Variants in CS observed in about 807,000 individuals in gnomAD.
The protein encoded by CS is citrate synthase, mitochondrial.
In CS, 13 loss-of-function variants were observed where a neutral mutation model predicts 61.4. That is an observed-to-expected ratio of 0.21 (90% CI 0.14 to 0.34). The LOEUF is 0.34. Ranked by LOEUF, CS falls within the 10% of genes least tolerant of loss-of-function variation. CS has a pLI of 1.00. For missense variants in CS, 278 were observed against 573.4 expected, an observed-to-expected ratio of 0.48 and a Z score of 5.26; for synonymous variants, 159 against 215.2, an observed-to-expected ratio of 0.74 and a Z score of 2.29.
At position 56,283,889 on chromosome 12, in the gene CS, AAG is replaced by A. The variant is rs1491172995; in HGVS notation, c.202-34_202-33del. The A allele has an allele frequency of 7.8e-6, 12 of 1,540,076 alleles. No individual in the cohort carries two copies. The African/African-American group carries it at 1.1e-4, about 14-fold the overall frequency. On this transcript the variant is annotated intron_variant, in intron 3 of 10. Transcript: ENST00000351328. ...AGGATGAAGAAAGAAGGAAAAAAAA[AAG>A]AGGCTGTGGCCAGTAATCAGAATGA...
chr12:56,274,688 A>G, intron 9 of CS, 89 bp downstream of exon 9: 1 of 1,004,476 alleles, frequency 1.0e-6, no homozygotes, highest in East Asian at 2.6e-5. Context: ...TCTCTAATTT[A>G]GGGACCTCTT....
At chr12:56,286,305 C>A in intron 2 of CS, 1 of 527,814 alleles carries the variant, frequency 1.9e-6, no homozygotes, top group African/African-American at 1.9e-5. Flanking sequence ...AAACCATATA[C>A]TTAAAAATGA....
chr12:56,286,012 G>T lies in CS; in HGVS notation c.105C>A (p.Asp35Glu). The change falls in exon 3 of 11, where the codon GAC becomes GAA. Residue 35 changes from aspartate (D) to glutamate (E), a missense_variant. Transcript: ENST00000351328. ...HASASSTNLKDILADLIPKEQ... is the reference protein window; with the variant it reads ...HASASSTNLKEILADLIPKEQ... ...CCTTAGGTATCAGGTCAGCCAATAT[G>T]TCTTTCAAATTCTAAAAAGAAAAGT... 6.2e-7 allele frequency: 1 copy of T among 1,613,446 alleles called. No homozygotes were observed. The highest frequency in any genetic ancestry group is 8.5e-7 in the Non-Finnish European group (1 of 1,179,416).
In CS at chr12:56,287,509, A is replaced by AAG. The variant is rs1565622362; in HGVS notation, c.43-866_43-865dup. Among the ~76,000 whole-genome samples the AAG allele has an allele frequency of 3.8e-4, 56 of 145,486 alleles. 2 individuals are homozygous for AAG. The highest frequency in any genetic ancestry group is 1.0e-3 in the African/African-American group (40 of 38,614). ...AAAAAAAAAAAAAAAAAAAAAAAAA[A>AAG]AGAGAGAGAGAGAAAATAGTTTAGC... On this transcript the variant is annotated intron_variant, in intron 1 of 10. Coordinates refer to ENST00000351328, the MANE Select transcript of CS (RefSeq NM_004077.3).
At chr12:56,298,475 G>C (rs932071356) in intron 1 of CS, 4 of 236,170 alleles carry the variant, frequency 1.7e-5, no homozygotes, top group African/African-American at 9.3e-5. Context: ...TAAATCCCAA[G>C]GCTTTTTCAC....
At chr12:56,288,279 T>G (rs946206055) in intron 1 of CS, among the ~76,000 whole-genome samples, 2 of 151,996 alleles carry the variant, frequency 1.3e-5, no homozygotes, top group African/African-American at 4.8e-5. Flanking sequence ...ACTACTGCAC[T>G]GCTCTCTGTG....
rs888544496 is a variant in CS at position 56,300,133 on chromosome 12, G to C, written c.42+27C>G. The C allele has an allele frequency of 4.5e-6, 7 of 1,553,382 alleles. No homozygotes were observed. In the Admixed American group the frequency reaches 5.8e-5, roughly 13 times the overall value. On this transcript the variant is annotated intron_variant, in intron 1 of 10. Coordinates refer to ENST00000351328, the MANE Select transcript of CS (RefSeq NM_004077.3). ...GGTCGCCTCAGCCCCACCCTGGGAC[G>C]GCGTGCTCCCTCCCCTCGCTGCTCA...
In CS at chr12:56,273,167, G is replaced by A. The variant is rs1341190437; in HGVS notation, c.1318C>T (p.Arg440Ter). 1 of 1,613,390 alleles carries A rather than the reference G, an allele frequency of 6.2e-7. No homozygotes were observed. The highest frequency in any genetic ancestry group is 8.5e-7 in the Non-Finnish European group (1 of 1,179,344). Reference protein sequence around the residue: ...LGVLAQLIWSRALGFPLERPK... With the variant: ...LGVLAQLIWS Reference sequence around the variant, plus strand: ...CTTTCTAGAGGGAAGCCTAAGGCTCGGCTCCAGATGAGCTGTGCCAGTACA... The same window carrying A: ...CTTTCTAGAGGGAAGCCTAAGGCTCAGCTCCAGATGAGCTGTGCCAGTACA... The change falls in exon 11 of 11, where the codon CGA becomes TGA. Residue 440 changes from arginine to a stop codon, truncating the protein, a stop_gained. Transcript: ENST00000351328. LOFTEE classifies it high-confidence loss of function.
chr12:56,297,976 A>C (rs1796817129), intron 1 of CS, among the ~76,000 whole-genome samples: 1 of 151,746 alleles, frequency 6.6e-6, no homozygotes, highest in African/African-American at 2.4e-5. Context: ...TAAACTCATT[A>C]TTGGGCTTTG....
chr12:56,296,941 T>C (rs1382769871), intron 1 of CS, among the ~76,000 whole-genome samples: 1 of 152,184 alleles, frequency 6.6e-6, no homozygotes, highest in Non-Finnish European at 1.5e-5. Flanking sequence ...CTAAATATTT[T>C]GCAGGACAAA....
chr12:56,296,356 G>A (rs1873305451), intron 1 of CS, among the ~76,000 whole-genome samples: 1 of 151,966 alleles, frequency 6.6e-6, no homozygotes, highest in African/African-American at 2.4e-5. Flanking sequence ...CCAGCTACTC[G>A]GGGGGATTGC....
chr12:56,272,875 T>A lies in CS; in HGVS notation c.*209A>T. On this transcript the variant is annotated 3_prime_UTR_variant, in exon 11 of 11. Transcript: ENST00000351328. ...CAGGACCATGCGTATGATGGGCAAC[T>A]CATACCAGGCAGGGGAAGGGAGCTG... 1 of 515,362 alleles carries A rather than the reference T, an allele frequency of 1.9e-6. No individual in the cohort carries two copies. Among genetic ancestry groups the A allele is most frequent in the Non-Finnish European group, 3.5e-6 (1 of 289,566 alleles). The allele number at this position is 515,362 out of a possible 1,614,324, so 31.9% of individuals were successfully genotyped here.
At position 56,285,068 on chromosome 12, in the gene CS, C is replaced by T. The variant is rs1872901893; in HGVS notation, c.201+848G>A. 4 of 190,056 alleles carry T rather than the reference C, an allele frequency of 2.1e-5. No homozygotes were observed. In the South Asian group the frequency reaches 2.9e-4, roughly 14 times the overall value. The allele number at this position is 190,056 out of a possible 1,614,324, so 11.8% of individuals were successfully genotyped here. On this transcript the variant is annotated intron_variant, in intron 3 of 10. Coordinates refer to ENST00000351328, the MANE Select transcript of CS (RefSeq NM_004077.3). ...TAAGTGATTCTCCTGCCTCAGGCTCCTGAGTAGCTGGGATTACAGTTGCCT... is the reference window on the plus strand; with the variant it reads ...TAAGTGATTCTCCTGCCTCAGGCTCTTGAGTAGCTGGGATTACAGTTGCCT...
Position 56,275,020 on chromosome 12 carries a change from G to A in CS, c.900C>T (p.Leu300=). The part of the protein sequence containing the change: ...AAAMNGLAGP[L]HGLANQEVLV... ...GTCTTACCTGATTTGCCAGTCCATGGAGAGGCCCTGCCAGCCCGTTCATGG... is the reference window on the plus strand; with the variant it reads ...GTCTTACCTGATTTGCCAGTCCATGAAGAGGCCCTGCCAGCCCGTTCATGG... The change falls in exon 8 of 11, where the codon CTC becomes CTT. Residue 300 remains leucine (L), a synonymous_variant. Coordinates refer to ENST00000351328, the MANE Select transcript of CS (RefSeq NM_004077.3). 1 of 1,614,236 alleles carries A rather than the reference G, an allele frequency of 6.2e-7. No homozygotes were observed. Among genetic ancestry groups the A allele is most frequent in the South Asian group, 1.1e-5 (1 of 91,082 alleles).
rs984904118 is a variant in CS at position 56,272,843 on chromosome 12, C to T, written c.*241G>A. On this transcript the variant is annotated 3_prime_UTR_variant, in exon 11 of 11. Transcript: ENST00000351328. ...TCATACCACATGCATTAGTCCTGGTCATCCTCCAGGACCATGCGTATGATG... is the reference window on the plus strand; with the variant it reads ...TCATACCACATGCATTAGTCCTGGTTATCCTCCAGGACCATGCGTATGATG... The T allele has an allele frequency of 6.9e-5, 28 of 406,888 alleles. No homozygotes were observed. The highest frequency in any genetic ancestry group is 1.1e-4 in the Non-Finnish European group (24 of 224,650). The allele number at this position is 406,888 out of a possible 1,614,324, so 25.2% of individuals were successfully genotyped here.
In CS at chr12:56,275,985, G is replaced by A; in HGVS notation, c.788+11C>T. On this transcript the variant is annotated intron_variant, in intron 7 of 10. Coordinates refer to ENST00000351328, the MANE Select transcript of CS (RefSeq NM_004077.3). Reference sequence around the variant, plus strand: ...GGCACCTAGTGGCTGTGGTTGCTGGGTCTAGCTTACCTGTGGATGGTGAGG... The same window carrying A: ...GGCACCTAGTGGCTGTGGTTGCTGGATCTAGCTTACCTGTGGATGGTGAGG... The A allele has an allele frequency of 1.2e-6, 2 of 1,613,664 alleles. No individual in the cohort carries two copies. The highest frequency in any genetic ancestry group is 1.1e-5 in the South Asian group (1 of 91,080).
Position 56,274,811 on chromosome 12 carries a change from C to T in CS, c.986G>A (p.Arg329Gln), listed in dbSNP as rs760835483. ...VGKDVSDEKL[R>Q]DYIWNTLNSG... is the part of the protein sequence containing the mutation. Reference sequence around the variant, plus strand: ...GTTGAGTGTGTTCCAGATGTAGTCTCGTAACTTCTCATCTGACACATCTTT... The same window carrying T: ...GTTGAGTGTGTTCCAGATGTAGTCTTGTAACTTCTCATCTGACACATCTTT... The change falls in exon 9 of 11, where the codon CGA becomes CAA. Residue 329 changes from arginine (R) to glutamine (Q), a missense_variant. Transcript: ENST00000351328. 20 of 1,610,378 alleles carry T rather than the reference C, an allele frequency of 1.2e-5. No individual in the cohort carries two copies. Among genetic ancestry groups the T allele is most frequent in the Admixed American group, 1.0e-4 (6 of 59,284 alleles).
At chr12:56,295,094 C>T (rs148037664) in intron 1 of CS, among the ~76,000 whole-genome samples, 1 of 141,660 alleles carries the variant, frequency 7.1e-6, no homozygotes, top group African/African-American at 2.6e-5. Flanking sequence ...ATTTAATGAA[C>T]TTTTTTTTTT....
At chr12:56,274,563 A>G in intron 9 of CS, 1 of 478,292 alleles carries the variant, frequency 2.1e-6, no homozygotes. Flanking sequence ...TCCTGGCCTC[A>G]AGCAATCCTC....
Sources: gnomAD v4.1 joint callset for allele counts (sites outside exome capture counted in the v4.1 genomes callset) on GRCh38, gnomAD v4.1.1 for gene constraint, MANE v1.5 for transcripts, NCBI Gene and HGNC (gene_info 2026-07-23, HGNC 2026-07-21) for gene names.